The following MROH9 variants were observed in gnomAD, a reference collection of about 807,000 sequenced individuals.
MROH9 encodes the protein maestro heat like repeat family member 9.
In MROH9, 92 loss-of-function variants were observed where a neutral mutation model predicts 98.2. That is an observed-to-expected ratio of 0.94 (90% CI 0.79 to 1.11). The LOEUF is 1.11. Among genes scored for constraint, MROH9 ranks in the 50% most tolerant of loss-of-function variants. The probability of loss-of-function intolerance (pLI) is 0.00; values close to 1 mark genes in which losing one functional copy is unlikely to be tolerated. For missense variants in MROH9, 1,057 were observed against 1,014.8 expected (o/e 1.04, Z -0.57); for synonymous variants, 397 against 368.9 (o/e 1.08, Z -0.87).
intron 8 of MROH9, among the ~76,000 whole-genome samples, chr1:170,974,634 C>T (rs1557880821): frequency 6.6e-6 from 1 of 151,710 alleles, no homozygotes; most frequent in Non-Finnish European, 1.5e-5. Context: ...AATTAATTAC[C>T]ATAAGATCTT....
At chr1:170,972,833 C>T (rs1180483987) in intron 8 of MROH9, among the ~76,000 whole-genome samples, 2 of 119,916 alleles carry the variant, frequency 1.7e-5, no homozygotes, top group African/African-American at 3.4e-5. Flanking sequence ...AAAAAATACA[C>T]ACACACACAC....
intron 9 of MROH9, among the ~76,000 whole-genome samples, chr1:170,986,169 GGAA>G (rs1216343414): frequency 2.0e-5 from 3 of 152,110 alleles, no homozygotes; most frequent in South Asian, 4.1e-4. Flanking sequence ...CTGTAAAAGA[GGAA>G]AGTCCATGCC....
chr1:170,943,590 T>G (rs777950670), intron 1 of MROH9, among the ~76,000 whole-genome samples: 4 of 150,494 alleles, frequency 2.7e-5, no homozygotes, highest in Non-Finnish European at 5.9e-5. Flanking sequence ...ATTTCAAAAA[T>G]AAACAAGGAA....
intron 20 of MROH9, among the ~76,000 whole-genome samples, chr1:171,058,305 G>A (rs1039764198): frequency 6.7e-6 from 1 of 149,340 alleles, no homozygotes; most frequent in African/African-American, 2.5e-5. Context: ...ACCTCTTCAA[G>A]GAGAATTACA....
rs1191371718 is a variant in MROH9 at position 171,016,287 on chromosome 1, A to G, written c.1859A>G (p.Tyr620Cys). Residue 620 changes from tyrosine to cysteine, a missense_variant, in exon 17 of 22, where the codon TAC (tyrosine) becomes TGC (cysteine). Transcript: ENST00000367759. Reference protein sequence around the residue: ...RLLNELDKVTYSLGTRIGSSY... With the variant: ...RLLNELDKVTCSLGTRIGSSY... Reference sequence around the variant, plus strand: ...TTAAACGAACTGGACAAAGTGACCTACTCTTTGGGTACCAGAATTGGTTCC... The same window carrying G: ...TTAAACGAACTGGACAAAGTGACCTGCTCTTTGGGTACCAGAATTGGTTCC... The G allele has an allele frequency of 5.9e-6, 9 of 1,536,660 alleles. No homozygotes were observed. Among genetic ancestry groups the G allele is most frequent in the Non-Finnish European group, 7.9e-6 (9 of 1,140,156 alleles).
Position 170,986,661 on chromosome 1 carries a change from C to CAGTATTTAA in MROH9, c.831_832insGTATTTAAA (p.Ala277_Ser278insValPheLys). On this transcript the variant is annotated inframe_insertion, in exon 10 of 22. Coordinates refer to ENST00000367759, the MANE Select transcript of MROH9 (RefSeq NM_001163629.2). ...GATGATAAAATCGCATCTGATGCAG[C>CAGTATTTAA]ATCCATACTGATATTTACTCTGGAA... is the stretch of plus-strand genomic sequence containing the variant. 1 of 1,613,910 alleles carries CAGTATTTAA rather than the reference C, an allele frequency of 6.2e-7. No homozygotes were observed. Among genetic ancestry groups the CAGTATTTAA allele is most frequent in the Non-Finnish European group, 8.5e-7 (1 of 1,179,902 alleles).
intron 20 of MROH9, among the ~76,000 whole-genome samples, chr1:171,027,286 T>C (rs28488998): frequency 0.23 from 34,236 of 152,080 alleles, 6,066 homozygotes; most frequent in African/African-American, 0.5. Context: ...CTCCCACTTA[T>C]GAGTGAGAAC....
intron 15 of MROH9, among the ~76,000 whole-genome samples, chr1:171,007,896 C>A (rs976907697): frequency 6.6e-6 from 1 of 152,150 alleles, no homozygotes; most frequent in Admixed American, 6.5e-5. Flanking sequence ...AGAACCAGGA[C>A]CACAGTCAGC....
intron 8 of MROH9, among the ~76,000 whole-genome samples, chr1:170,976,130 G>A (rs543026711): frequency 3.8e-4 from 58 of 152,130 alleles, no homozygotes; most frequent in Non-Finnish European, 6.8e-4. Context: ...CCTTTTAATT[G>A]GAGCATTTAG....
chr1:171,049,165 G>C (rs1653571439), intron 20 of MROH9, among the ~76,000 whole-genome samples: 2 of 152,152 alleles, frequency 1.3e-5, no homozygotes. Flanking sequence ...CCAACCTGCT[G>C]CCAAGTAAAA....
chr1:170,987,154 G>A (rs990291843), intron 10 of MROH9, among the ~76,000 whole-genome samples: 3 of 152,156 alleles, frequency 2.0e-5, no homozygotes, highest in African/African-American at 7.2e-5. Flanking sequence ...ACCATGCCTG[G>A]CCTGAGAATT....
intron 5 of MROH9, among the ~76,000 whole-genome samples, chr1:170,959,934 A>G (rs2101891039): frequency 6.6e-6 from 1 of 152,294 alleles, no homozygotes; most frequent in East Asian, 1.9e-4. Flanking sequence ...AAATTAGCAA[A>G]CATCTGCGGT....
At chr1:171,052,131 T>C (rs947880213) in intron 20 of MROH9, among the ~76,000 whole-genome samples, 2 of 152,238 alleles carry the variant, frequency 1.3e-5, no homozygotes, top group Non-Finnish European at 2.9e-5. Context: ...ATTGTATGTT[T>C]CCAATAATTT....
At chr1:170,945,332 T>G (rs1162870238) in intron 1 of MROH9, among the ~76,000 whole-genome samples, 188 bp from the exon 2 acceptor site, 1 of 152,066 alleles carries the variant, frequency 6.6e-6, no homozygotes, top group Non-Finnish European at 1.5e-5. Flanking sequence ...GACTGAACCT[T>G]CTGACCTACA....
At chr1:170,955,993 T>C (rs1045725706) in intron 3 of MROH9, among the ~76,000 whole-genome samples, 4 of 152,206 alleles carry the variant, frequency 2.6e-5, no homozygotes, top group Admixed American at 6.5e-5. Flanking sequence ...GATTTTTGTA[T>C]AAGGTAAGAG....
chr1:170,970,650 C>T (rs1216197859), intron 7 of MROH9, among the ~76,000 whole-genome samples: 3 of 151,948 alleles, frequency 2.0e-5, no homozygotes, highest in East Asian at 3.9e-4. Context: ...TTATGGCCTT[C>T]GCCCATGACC....
chr1:170,942,632 T>C (rs1247386984), intron 1 of MROH9, among the ~76,000 whole-genome samples: 1 of 151,934 alleles, frequency 6.6e-6, no homozygotes. Flanking sequence ...TGTATGGAAA[T>C]ATGACATGCC....
intron 8 of MROH9, among the ~76,000 whole-genome samples, chr1:170,975,366 C>T (rs1650642229): frequency 6.6e-6 from 1 of 151,956 alleles, no homozygotes; most frequent in Admixed American, 6.6e-5. Flanking sequence ...AGAATGCCTC[C>T]AGGGAAAAGA....
chr1:170,993,904 T>C (rs1651458735), intron 12 of MROH9, among the ~76,000 whole-genome samples: 2 of 152,202 alleles, frequency 1.3e-5, no homozygotes, highest in Non-Finnish European at 1.5e-5. Context: ...TTTCTCTCTA[T>C]TTTAAGTTGT....
Sources: gnomAD v4.1 joint callset for allele counts (sites outside exome capture counted in the v4.1 genomes callset) on GRCh38, gnomAD v4.1.1 for gene constraint, MANE v1.5 for transcripts, NCBI Gene and HGNC (gene_info 2026-07-23, HGNC 2026-07-21) for gene names.